PACRG: variants seen among roughly 807,000 people sequenced by gnomAD.
The protein encoded by PACRG is parkin coregulated gene protein.
PACRG carries 29 observed loss-of-function variants against 29.7 expected under a neutral mutation model. The ratio of observed to expected loss-of-function variants is 0.98; its 90% CI spans 0.73 to 1.33. The LOEUF (loss-of-function observed/expected upper bound fraction) is 1.33, where lower values mean the gene tolerates loss of function less well. Among genes scored for constraint, PACRG ranks in the 40% most tolerant of loss-of-function variants. The probability of loss-of-function intolerance (pLI) is 0.00; values close to 1 mark genes in which losing one functional copy is unlikely to be tolerated. For missense variants in PACRG, 279 were observed against 316.2 expected, an observed-to-expected ratio of 0.88 and a Z score of 0.89; for synonymous variants, 116 against 118.7, an observed-to-expected ratio of 0.98 and a Z score of 0.15.
intron 4 of PACRG, among the ~76,000 whole-genome samples, chr6:163,154,436 C>T (rs987155492): frequency 2.0e-5 from 3 of 152,104 alleles, no homozygotes; most frequent in Non-Finnish European, 2.9e-5. Flanking sequence ...TTCCTCCTTG[C>T]GGCATAGAAT....
intron 2 of PACRG, among the ~76,000 whole-genome samples, chr6:162,972,621 C>G (rs1047347121): frequency 6.6e-6 from 1 of 152,184 alleles, no homozygotes; most frequent in Non-Finnish European, 1.5e-5. Context: ...GTTCCCTCAT[C>G]CCCCAGTTCC....
intron 4 of PACRG, among the ~76,000 whole-genome samples, chr6:163,124,285 T>C (rs1423515483): frequency 2.0e-5 from 3 of 152,272 alleles, no homozygotes; most frequent in East Asian, 1.9e-4. Context: ...TGTGCAGAAA[T>C]TGATGCTGGG....
intron 2 of PACRG, among the ~76,000 whole-genome samples, chr6:163,004,687 G>A (rs1484653192): frequency 2.2e-5 from 3 of 137,444 alleles, no homozygotes; most frequent in African/African-American, 6.3e-5. Context: ...CATATCAAAT[G>A]TATACAAAGT....
At chr6:162,781,870 G>T (rs1784118518) in intron 1 of PACRG, among the ~76,000 whole-genome samples, 1 of 149,254 alleles carries the variant, frequency 6.7e-6, no homozygotes, top group African/African-American at 2.4e-5. Context: ...AAGAACAAAT[G>T]AAACAAAAAC....
chr6:163,133,103 C>T (rs1816800371), intron 4 of PACRG, among the ~76,000 whole-genome samples: 1 of 152,164 alleles, frequency 6.6e-6, no homozygotes, highest in South Asian at 2.1e-4. Context: ...TGGTCAGGTG[C>T]AGATGACTTG....
intron 4 of PACRG, among the ~76,000 whole-genome samples, chr6:163,199,149 T>C (rs893733432): frequency 6.6e-6 from 1 of 152,194 alleles, no homozygotes; most frequent in Non-Finnish European, 1.5e-5. Flanking sequence ...GCCCCAAGAT[T>C]TATTTTCCTT....
At chr6:162,947,621 T>TATATATATATATAATC in intron 2 of PACRG, among the ~76,000 whole-genome samples, 1 of 47,936 alleles carries the variant, frequency 2.1e-5, no homozygotes, top group African/African-American at 7.9e-5. Context: ...CATATATATA[T>TATATATATATATAATC]ATATATATAT....
At chr6:162,910,110 A>T (rs911457249) in intron 2 of PACRG, among the ~76,000 whole-genome samples, 22 of 152,320 alleles carry the variant, frequency 1.4e-4, no homozygotes, top group African/African-American at 5.3e-4. Context: ...ATGTAAAAAG[A>T]TAGTGGTAAT....
chr6:162,859,308 T>C (rs1029581528), intron 2 of PACRG, among the ~76,000 whole-genome samples: 1 of 152,220 alleles, frequency 6.6e-6, no homozygotes, highest in Non-Finnish European at 1.5e-5. Context: ...ATCTTCAATT[T>C]CTTTTAAATG....
At chr6:162,911,031 A>G (rs1486250240) in intron 2 of PACRG, among the ~76,000 whole-genome samples, 1 of 152,244 alleles carries the variant, frequency 6.6e-6, no homozygotes, top group Non-Finnish European at 1.5e-5. Flanking sequence ...ACTAAGAAGC[A>G]TTAGGAGAAT....
chr6:163,282,508 C>T (rs1413691366), intron 4 of PACRG, among the ~76,000 whole-genome samples: 5 of 151,932 alleles, frequency 3.3e-5, no homozygotes, highest in East Asian at 1.9e-4. Flanking sequence ...GTCAGGAGTT[C>T]GAGACCAGCC....
intron 4 of PACRG, among the ~76,000 whole-genome samples, chr6:163,247,770 G>A (rs1330829649): frequency 1.3e-5 from 2 of 152,164 alleles, no homozygotes; most frequent in Admixed American, 1.3e-4. Context: ...CCGTCTACCT[G>A]CCACTGTCCC....
At chr6:162,804,105 A>C (rs542207391) in intron 1 of PACRG, among the ~76,000 whole-genome samples, 2 of 152,336 alleles carry the variant, frequency 1.3e-5, no homozygotes, top group South Asian at 4.1e-4. Flanking sequence ...ATGTAAAAAT[A>C]TGGTATCTGC....
intron 4 of PACRG, among the ~76,000 whole-genome samples, chr6:163,277,769 C>T (rs909096094): frequency 2.0e-5 from 3 of 151,424 alleles, no homozygotes; most frequent in African/African-American, 7.3e-5. Flanking sequence ...CATGTTTTTG[C>T]AATTGTAAAT....
intron 4 of PACRG, among the ~76,000 whole-genome samples, chr6:163,206,089 A>G (rs1462956061): frequency 6.6e-6 from 1 of 152,198 alleles, no homozygotes; most frequent in African/African-American, 2.4e-5. Context: ...CAGAGAAAAG[A>G]GAATGCTATA....
intron 4 of PACRG, among the ~76,000 whole-genome samples, chr6:163,111,028 C>G (rs116999932): frequency 6.6e-6 from 1 of 152,184 alleles, no homozygotes; most frequent in Non-Finnish European, 1.5e-5. Flanking sequence ...ATTCTCCTTC[C>G]GCTTCTTACA....
intron 2 of PACRG, among the ~76,000 whole-genome samples, chr6:162,971,567 G>T (rs1801530623): frequency 6.6e-6 from 1 of 152,138 alleles, no homozygotes; most frequent in Admixed American, 6.5e-5. Flanking sequence ...CCTCTTCTAG[G>T]ATTACACAGT....
At chr6:162,745,606 C>T (rs1780931436) in intron 1 of PACRG, among the ~76,000 whole-genome samples, 1 of 152,148 alleles carries the variant, frequency 6.6e-6, no homozygotes, top group African/African-American at 2.4e-5. Context: ...AGGACACATA[C>T]TTGACCAGAC....
intron 2 of PACRG, among the ~76,000 whole-genome samples, chr6:163,030,380 C>A (rs1389053124): frequency 6.6e-6 from 1 of 152,198 alleles, no homozygotes; most frequent in South Asian, 2.1e-4. Context: ...CATAAAGTTT[C>A]TTCCAGCTTA....
Sources: allele counts gnomAD v4.1 joint callset (sites outside exome capture counted in the v4.1 genomes callset), GRCh38; gene constraint gnomAD v4.1.1; transcripts MANE v1.5; gene names NCBI Gene and HGNC (gene_info 2026-07-23, HGNC 2026-07-21).